USP14: variants seen among roughly 807,000 people sequenced by gnomAD.
The protein encoded by USP14 is ubiquitin carboxyl-terminal hydrolase 14.
A neutral mutation model predicts 76.5 loss-of-function variants in USP14; 38 were observed. The observed-to-expected ratio is 0.50, with a 90% confidence interval of 0.38 to 0.65. The LOEUF (loss-of-function observed/expected upper bound fraction) is 0.65. USP14 is among the 30% of genes least tolerant of loss of function. The probability of loss-of-function intolerance (pLI) is 0.00; values close to 1 mark genes in which losing one functional copy is unlikely to be tolerated. For missense variants in USP14, 467 were observed against 586.5 expected, an observed-to-expected ratio of 0.80 and a Z score of 2.10; for synonymous variants, 192 against 191.7, an observed-to-expected ratio of 1.00 and a Z score of -0.01.
chr18:187,846 A>G (rs1211421330), intron 5 of USP14, among the ~76,000 whole-genome samples: 3 of 152,186 alleles, frequency 2.0e-5, no homozygotes, highest in Non-Finnish European at 4.4e-5. Flanking sequence ...AAACACATTT[A>G]TTTACCCTGA....
chr18:190,523 A>G (rs931020509), intron 5 of USP14, among the ~76,000 whole-genome samples: 5 of 152,200 alleles, frequency 3.3e-5, no homozygotes, highest in Non-Finnish European at 7.3e-5. Flanking sequence ...ATATGAAAGC[A>G]TATGTTATAA....
intron 6 of USP14, 158 bp from the exon 7 acceptor site, chr18:196,479 G>A (rs1017669580): frequency 1.6e-5 from 10 of 613,960 alleles, no homozygotes; most frequent in East Asian, 1.1e-4. Flanking sequence ...AGCCGAGATC[G>A]CGCCACTGCA....
chr18:175,190 T>C (rs1173940269), intron 3 of USP14, among the ~76,000 whole-genome samples: 2 of 152,242 alleles, frequency 1.3e-5, no homozygotes, highest in Non-Finnish European at 2.9e-5. Context: ...CTTAGGATAT[T>C]GTTAGGTATA....
rs1909753577 is a variant in USP14, at chr18:180,353, CT to C, written c.404+20del. Reference sequence around the variant, plus strand: ...TGCCCTTAAAAGGTAAGACTGCAGTCTTTTTTGGGTAAGGGATGTTCACATT... The same window carrying C: ...TGCCCTTAAAAGGTAAGACTGCAGTCTTTTTGGGTAAGGGATGTTCACATT... On this transcript the variant is annotated intron_variant, in intron 5 of 15. Transcript: ENST00000261601. The C allele has an allele frequency of 3.2e-6, 5 of 1,543,468 alleles. No homozygotes were observed. The highest frequency in any genetic ancestry group is 1.7e-4 in the Middle Eastern group (1 of 5,940).
At chr18:205,622 A>C (rs781351149) in intron 13 of USP14, among the ~76,000 whole-genome samples, 1 of 152,164 alleles carries the variant, frequency 6.6e-6, no homozygotes, top group Non-Finnish European at 1.5e-5. Flanking sequence ...AAATATGAAA[A>C]TAAAAAAAAT....
In USP14 at chr18:160,597, G is replaced by T. The variant is rs143517597; in HGVS notation, c.16+1883G>T. Among the ~76,000 whole-genome samples the T allele has an allele frequency of 6.6e-5, 10 of 152,328 alleles. No individual in the cohort carries two copies. The East Asian group carries it at 1.2e-3, about 18-fold the overall frequency. On this transcript the variant is annotated intron_variant, in intron 1 of 15. Transcript: ENST00000261601. ...ATATTGCTTTGTTTTAATCTTCAAC[G>T]TAATCCTGTGATACTGGTATAATTC...
At chr18:170,836 A>G (rs1909421035) in intron 3 of USP14, among the ~76,000 whole-genome samples, 1 of 151,826 alleles carries the variant, frequency 6.6e-6, no homozygotes, top group South Asian at 2.1e-4. Flanking sequence ...GGAGGAGAAC[A>G]GCACACACGG....
chr18:163,774 C>T (rs757769079), intron 2 of USP14, among the ~76,000 whole-genome samples: 5 of 149,570 alleles, frequency 3.3e-5, no homozygotes, highest in Admixed American at 6.7e-5. Flanking sequence ...TTTCAATGTA[C>T]GGATTTCATC....
At chr18:201,407 AAACAAGAT>A (rs1300645333) in intron 10 of USP14, among the ~76,000 whole-genome samples, 5 of 152,226 alleles carry the variant, frequency 3.3e-5, no homozygotes, top group Non-Finnish European at 4.4e-5. Context: ...TTATGTTGAT[AAACAAGAT>A]GATTTGTTAT....
intron 5 of USP14, among the ~76,000 whole-genome samples, chr18:192,499 A>G (rs1338495020): frequency 6.6e-6 from 1 of 152,222 alleles, no homozygotes; most frequent in Non-Finnish European, 1.5e-5. Flanking sequence ...CAGGAGGTAG[A>G]GGTTGCAGTG....
intron 13 of USP14, among the ~76,000 whole-genome samples, chr18:205,452 A>AC (rs1910503449): frequency 6.6e-6 from 1 of 151,780 alleles, no homozygotes; most frequent in Admixed American, 6.6e-5. Flanking sequence ...ACAACTACCA[A>AC]CCCGTTCATT....
intron 6 of USP14, among the ~76,000 whole-genome samples, chr18:195,116 C>T (rs1279407497): frequency 6.7e-6 from 1 of 150,312 alleles, no homozygotes; most frequent in Admixed American, 6.6e-5. Context: ...CTCTTTTAAT[C>T]TATATTTCTT....
At chr18:186,150 T>G (rs1171125786) in intron 5 of USP14, among the ~76,000 whole-genome samples, 1 of 152,220 alleles carries the variant, frequency 6.6e-6, no homozygotes, top group African/African-American at 2.4e-5. Flanking sequence ...CATCATACAT[T>G]TAATTCATAC....
chr18:169,931 C>T (rs191481935), intron 3 of USP14, among the ~76,000 whole-genome samples: 4 of 152,194 alleles, frequency 2.6e-5, no homozygotes, highest in Non-Finnish European at 5.9e-5. Flanking sequence ...ACAGCCTCAC[C>T]GACCCGCAGT....
At chr18:196,478 C>G (rs535298613) in intron 6 of USP14, 159 bp from the exon 7 acceptor site, 1 of 606,766 alleles carries the variant, frequency 1.6e-6, no homozygotes, top group Non-Finnish European at 2.6e-6. Context: ...GAGCCGAGAT[C>G]GCGCCACTGC....
At chr18:200,836 C>G (rs963192240) in intron 10 of USP14, among the ~76,000 whole-genome samples, 1 of 152,132 alleles carries the variant, frequency 6.6e-6, no homozygotes, top group African/African-American at 2.4e-5. Flanking sequence ...GAGTCTCTCT[C>G]TGTCACCCAA....
chr18:186,891 C>T (rs1311620854), intron 5 of USP14, among the ~76,000 whole-genome samples: 1 of 152,132 alleles, frequency 6.6e-6, no homozygotes, highest in Non-Finnish European at 1.5e-5. Context: ...TTTATGCTTA[C>T]ATATTAACAA....
rs1555603327 is a variant in USP14 at position 210,003 on chromosome 18, T to A, written c.1197T>A (p.Val399=). 3.7e-6 allele frequency: 6 copies of A among 1,608,078 alleles called. No homozygotes were observed. The South Asian group carries it at 6.7e-5, about 18-fold the overall frequency. The change falls in exon 14 of 16, where the codon GTT becomes GTA. Residue 399 remains valine (V), a synonymous_variant. Transcript: ENST00000261601. ...AAAAGAGTAGTCCCCAGAAAGAAGT[T>A]AAGTATGAACCCTTTTCTTTTGCTG... is the stretch of plus-strand genomic sequence containing the variant. ...SDKKSSPQKE[V]KYEPFSFADD... is the part of the protein sequence containing the mutation.
chr18:208,432 T>C (rs572591929), intron 13 of USP14, among the ~76,000 whole-genome samples: 1 of 152,244 alleles, frequency 6.6e-6, no homozygotes, highest in Non-Finnish European at 1.5e-5. Flanking sequence ...TTCAAAGAAT[T>C]GGCTTTGTTT....
Sources: gnomAD v4.1 joint callset for allele counts (sites outside exome capture counted in the v4.1 genomes callset) on GRCh38, gnomAD v4.1.1 for gene constraint, MANE v1.5 for transcripts, NCBI Gene and HGNC (gene_info 2026-07-23, HGNC 2026-07-21) for gene names.